TMEM255A: variants seen among roughly 807,000 people sequenced by gnomAD.
TMEM255A encodes transmembrane protein 255A, also known as family with sequence similarity 70, member A.
In TMEM255A, 14 loss-of-function variants were observed where a neutral mutation model predicts 23.5. The ratio of observed to expected loss-of-function variants is 0.60; its 90% CI spans 0.39 to 0.93. The LOEUF is 0.93. Among genes scored for constraint, TMEM255A ranks in the 40% least tolerant of loss-of-function variants. The probability of loss-of-function intolerance (pLI) is 0.00; values close to 1 mark genes in which losing one functional copy is unlikely to be tolerated. For synonymous variants in TMEM255A, 104 were observed against 100.3 expected (o/e 1.04, Z -0.22); for missense variants, 233 against 261.7 (o/e 0.89, Z 0.76).
chrX:120,269,106 GA>G (rs2057737156), intron 7 of TMEM255A, among the ~76,000 whole-genome samples: 2 of 94,360 alleles, frequency 2.1e-5, no homozygotes, highest in South Asian at 1.3e-3. Context: ...GAAAGACCAA[GA>G]AAAATATATT....
rs151120700 is a variant in TMEM255A, at chrX:120,275,648, G to C, written c.675+1237C>G. ...TGTGGGATGTTCATTTAAAGCAGTG[G>C]TATTCAATCATGGCTGCAGATCAGA... On this transcript the variant is annotated intron_variant, in intron 7 of 8. Coordinates refer to ENST00000371369, the MANE Select transcript of TMEM255A (RefSeq NM_001104544.3). Among the ~76,000 whole-genome samples, 59 of 106,244 alleles carry C rather than the reference G, an allele frequency of 5.6e-4. 1 individual carries two copies. Among genetic ancestry groups the C allele is most frequent in the African/African-American group, 2.0e-3 (57 of 28,916 alleles). The allele number at this position is 106,244 out of a possible 115,157, so 92.3% of individuals were successfully genotyped here.
chrX:120,269,619 C>G (rs2057741634), intron 7 of TMEM255A, among the ~76,000 whole-genome samples: 2 of 111,648 alleles, frequency 1.8e-5, no homozygotes, highest in African/African-American at 6.5e-5. Context: ...CTGTTTACAT[C>G]TCTAGGAGGT....
chrX:120,291,191 A>G (rs2057912189), intron 4 of TMEM255A, 60 bp downstream of exon 4: 1 of 918,294 alleles, frequency 1.1e-6, no homozygotes, highest in Non-Finnish European at 1.6e-6. Context: ...TCGAGCACAC[A>G]TTCAGTGGGG....
At chrX:120,298,264 C>G (rs1166116321) in intron 2 of TMEM255A, among the ~76,000 whole-genome samples, 2 of 111,284 alleles carry the variant, frequency 1.8e-5, no homozygotes, top group Non-Finnish European at 3.8e-5. Context: ...GACATCTACT[C>G]TGGCTGGCAG....
chrX:120,268,474 T>C, intron 7 of TMEM255A, 87 bp from the exon 8 acceptor site: 1 of 673,988 alleles, frequency 1.5e-6, no homozygotes. Flanking sequence ...TACTATGGAA[T>C]ACCATGCAGC....
At chrX:120,287,313 ACAC>A (rs1569337196) in intron 4 of TMEM255A, 91 bp from the exon 5 acceptor site, 120 of 498,825 alleles carry the variant, frequency 2.4e-4, no homozygotes, top group Middle Eastern at 4.3e-4. Flanking sequence ...TTGAATACAC[ACAC>A]ACACACACAC....
At chrX:120,270,489 G>A (rs2057751141) in intron 7 of TMEM255A, among the ~76,000 whole-genome samples, 1 of 110,404 alleles carries the variant, frequency 9.1e-6, no homozygotes, top group Non-Finnish European at 1.9e-5. Context: ...CAATGATTGT[G>A]GACTTTGGAA....
At chrX:120,270,419 A>G (rs2057750560) in intron 7 of TMEM255A, among the ~76,000 whole-genome samples, 1 of 107,877 alleles carries the variant, frequency 9.3e-6, no homozygotes, top group East Asian at 2.9e-4. Flanking sequence ...AAAGGTTACT[A>G]GGTAGCACAG....
intron 6 of TMEM255A, among the ~76,000 whole-genome samples, chrX:120,278,337 G>A (rs1222517732): frequency 8.9e-6 from 1 of 112,132 alleles, no homozygotes; most frequent in African/African-American, 3.2e-5. Flanking sequence ...CTGGTCTATG[G>A]TATCGTGTTA....
chrX:120,311,031 C>T (rs989566816), intron 1 of TMEM255A, among the ~76,000 whole-genome samples: 3 of 110,703 alleles, frequency 2.7e-5, no homozygotes, highest in Non-Finnish European at 5.7e-5. Flanking sequence ...GATACTCCGA[C>T]GCAAGCTTGG....
chrX:120,309,721 GCT>G (rs781932321), intron 1 of TMEM255A, among the ~76,000 whole-genome samples: 1 of 110,225 alleles, frequency 9.1e-6, no homozygotes, highest in Admixed American at 9.5e-5. Flanking sequence ...TCGCTCTCGC[GCT>G]CTCTCTCTCT....
At chrX:120,265,166 G>A (rs1294490838) in intron 8 of TMEM255A, among the ~76,000 whole-genome samples, 5 of 112,119 alleles carry the variant, frequency 4.5e-5, no homozygotes, top group Admixed American at 3.8e-4. Context: ...GTGAGCCACC[G>A]CGCCTGGCTG....
At chrX:120,303,851 T>C (rs1375206828) in intron 2 of TMEM255A, among the ~76,000 whole-genome samples, 1 of 111,755 alleles carries the variant, frequency 8.9e-6, no homozygotes, top group Admixed American at 9.6e-5. Context: ...AACATGTATA[T>C]ATATAATTTA....
At chrX:120,277,240 C>T (rs782608653) in intron 6 of TMEM255A, among the ~76,000 whole-genome samples, 193 bp from the exon 7 acceptor site, 65 of 111,416 alleles carry the variant, frequency 5.8e-4, no homozygotes, top group South Asian at 1.1e-3. Flanking sequence ...CCCCACTCCC[C>T]GAAAAAAAAC....
chrX:120,300,924 G>A (rs782733149), intron 2 of TMEM255A, among the ~76,000 whole-genome samples: 2 of 109,469 alleles, frequency 1.8e-5, no homozygotes, highest in South Asian at 4.0e-4. Flanking sequence ...GTCTCACCAC[G>A]TTGCCCAGGC....
At chrX:120,279,228 G>A in intron 6 of TMEM255A, among the ~76,000 whole-genome samples, 1 of 112,223 alleles carries the variant, frequency 8.9e-6, no homozygotes, top group South Asian at 3.7e-4. Context: ...TCCCACATCA[G>A]CCTCCCAAAG....
chrX:120,285,382 T>G (rs1556021595), intron 5 of TMEM255A, among the ~76,000 whole-genome samples, 167 bp from the exon 6 acceptor site: 1 of 111,483 alleles, frequency 9.0e-6, no homozygotes. Flanking sequence ...GCCGAACTTG[T>G]GCATGAGGCA....
At position 120,258,901 on chromosome X, in the gene TMEM255A, A is replaced by C. The variant is rs985661717; in HGVS notation, c.*1969T>G. ...ACAGCAAATGTTTTGCAAAAGAGTAAAGCAGCAAATATTAATTTTTCTAAG... is the reference window on the plus strand; with the variant it reads ...ACAGCAAATGTTTTGCAAAAGAGTACAGCAGCAAATATTAATTTTTCTAAG... On this transcript the variant is annotated 3_prime_UTR_variant, in exon 9 of 9. Transcript: ENST00000371369. The C allele has an allele frequency of 1.8e-5, 2 of 112,818 alleles. No homozygotes were observed. Among genetic ancestry groups the C allele is most frequent in the African/African-American group, 6.5e-5 (2 of 30,984 alleles). The allele number at this position is 112,818 out of a possible 1,213,427, so 9.3% of individuals were successfully genotyped here.
rs992511820 is a variant in TMEM255A at position 120,272,028 on chromosome X, G to A, written c.676-3641C>T. Among the ~76,000 whole-genome samples the A allele has an allele frequency of 7.1e-5, 8 of 112,354 alleles. No homozygotes were observed. In the South Asian group the frequency reaches 3.0e-3, roughly 42 times the overall value. ...CTTACAACTCAACAACAACAAAACA[G>A]ATTTAAAAATGGGCAGGATTCTTGG... On this transcript the variant is annotated intron_variant, in intron 7 of 8. Coordinates refer to ENST00000371369, the MANE Select transcript of TMEM255A (RefSeq NM_001104544.3).
Sources: gnomAD v4.1 joint callset for allele counts (sites outside exome capture counted in the v4.1 genomes callset) on GRCh38, gnomAD v4.1.1 for gene constraint, MANE v1.5 for transcripts, NCBI Gene and HGNC (gene_info 2026-07-23, HGNC 2026-07-21) for gene names.